The following DOP1A variants were observed in gnomAD, a reference collection of about 807,000 sequenced individuals.
DOP1A encodes protein DOP1A.
DOP1A carries 90 observed loss-of-function variants against 267.6 expected under a neutral mutation model. That is an observed-to-expected ratio of 0.34 (90% CI 0.28 to 0.40). DOP1A has a LOEUF of 0.40. Ranked by LOEUF, DOP1A falls within the 10% of genes least tolerant of loss-of-function variation. DOP1A has a pLI of 1.00. For missense variants in DOP1A, 2,437 were observed against 2,900.4 expected, an observed-to-expected ratio of 0.84 and a Z score of 3.67; for synonymous variants, 932 against 999.1, an observed-to-expected ratio of 0.93 and a Z score of 1.27.
chr6:83,157,992 AT>A (rs764449909), intron 35 of DOP1A, among the ~76,000 whole-genome samples: 9 of 150,644 alleles, frequency 6.0e-5, no homozygotes, highest in Non-Finnish European at 1.0e-4. Context: ...TCTTTCTTTT[AT>A]TTTTCCTTTT....
chr6:83,134,047 T>C (rs1439596156), intron 18 of DOP1A, 140 bp from the exon 19 acceptor site: 2 of 537,062 alleles, frequency 3.7e-6, no homozygotes, highest in East Asian at 6.3e-5. Flanking sequence ...AGAATATAAA[T>C]AAAGTTTATT....
rs769107348 is a variant in DOP1A at position 83,124,694 on chromosome 6, T to C, written c.1341-11T>C. 21 of 1,599,308 alleles carry C rather than the reference T, an allele frequency of 1.3e-5. No individual in the cohort carries two copies. In the South Asian group the frequency reaches 2.2e-4, roughly 17 times the overall value. On this transcript the variant is annotated splice_polypyrimidine_tract_variant and intron_variant, in intron 12 of 38. Coordinates refer to ENST00000349129, the MANE Select transcript of DOP1A (RefSeq NM_015018.4). ...ACAGTATACTTAATAAAGTGAATTT[T>C]GTCCTTTTAGGAGGACACTGCATGT...
At chr6:83,087,366 C>T (rs1319551485) in intron 1 of DOP1A, among the ~76,000 whole-genome samples, 4 of 152,040 alleles carry the variant, frequency 2.6e-5, no homozygotes, top group Non-Finnish European at 5.9e-5. Context: ...TTAAGTCAAC[C>T]TGATTGTATG....
chr6:83,071,229 T>G (rs76067039), intron 1 of DOP1A, among the ~76,000 whole-genome samples: 1 of 152,028 alleles, frequency 6.6e-6, no homozygotes, highest in Admixed American at 6.6e-5. Flanking sequence ...TTTTTTTTTT[T>G]GAAATGGAGT....
rs377220927 is a variant in DOP1A, at chr6:83,151,564, C to G, written c.5838-29C>G. On this transcript the variant is annotated intron_variant, in intron 27 of 38. Coordinates refer to ENST00000349129, the MANE Select transcript of DOP1A (RefSeq NM_015018.4). ...TAGTTTCTTTTAGCCTGATATTTCCCGTTTCTGTTTTCTCTTTGGCCCTTT... is the reference window on the plus strand; with the variant it reads ...TAGTTTCTTTTAGCCTGATATTTCCGGTTTCTGTTTTCTCTTTGGCCCTTT... 4.7e-5 allele frequency: 73 copies of G among 1,560,688 alleles called. 1 individual carries two copies. In the African/African-American group the frequency reaches 7.3e-4, roughly 16 times the overall value.
At chr6:83,153,376 A>G (rs1782111936) in intron 30 of DOP1A, 135 bp from the exon 31 acceptor site, 4 of 517,576 alleles carry the variant, frequency 7.7e-6, no homozygotes, top group Non-Finnish European at 1.3e-5. Flanking sequence ...TAACATAAAA[A>G]TGATTCAGGA....
At chr6:83,141,548 T>C (rs971110448) in intron 23 of DOP1A, among the ~76,000 whole-genome samples, 2 of 152,188 alleles carry the variant, frequency 1.3e-5, no homozygotes, top group African/African-American at 4.8e-5. Context: ...TAAACTATAC[T>C]TTTTATGTTT....
Position 83,138,168 on chromosome 6 carries a change from T to C in DOP1A, c.4126T>C (p.Tyr1376His), listed in dbSNP as rs759861128. 6.8e-6 allele frequency: 11 copies of C among 1,613,858 alleles called. No individual in the cohort carries two copies. The highest frequency in any genetic ancestry group is 8.5e-6 in the Non-Finnish European group (10 of 1,179,924). The change falls in exon 21 of 39, where the codon TAT (tyrosine) becomes CAT (histidine). Residue 1376 changes from tyrosine (Y) to histidine (H), a missense_variant. Around this residue, in one of 9 missense-constraint regions of DOP1A, gnomAD observed 878 missense variants for 992.9 expected, o/e 0.88. Transcript: ENST00000349129. The part of the protein sequence containing the change: ...YQHVLLYLQL[Y>H]DSSRTLYAFS... ...ACATGTGCTCCTGTATCTCCAGTTG[T>C]ATGATTCATCCAGGACTTTGTATGC...
At chr6:83,168,991 C>T (rs1786478935), downstream of DOP1A, 1 of 1,291,628 alleles carries the variant, frequency 7.7e-7, no homozygotes, top group South Asian at 2.0e-5. Context: ...GAATTGTATA[C>T]TTAAGTCCCA....
chr6:83,134,133 CATA>C, intron 18 of DOP1A, 51 bp from the exon 19 acceptor site: 1 of 1,474,660 alleles, frequency 6.8e-7, no homozygotes, highest in Non-Finnish European at 9.3e-7. Flanking sequence ...TTACTAAAAT[CATA>C]GTATCTTCAA....
intron 11 of DOP1A, 25 bp from the exon 12 acceptor site, chr6:83,122,838 T>G: frequency 1.4e-6 from 2 of 1,418,638 alleles, no homozygotes; most frequent in Non-Finnish European, 1.9e-6. Context: ...TTTTTTAGTT[T>G]TTGTTTTCTT....
At chr6:83,103,655 T>TA (rs1773011069) in intron 4 of DOP1A, among the ~76,000 whole-genome samples, 1 of 152,180 alleles carries the variant, frequency 6.6e-6, no homozygotes, top group South Asian at 2.1e-4. Context: ...TTTTTGTCCT[T>TA]ATGTGCTTCA....
At chr6:83,167,294 A>G in intron 38 of DOP1A, 1 of 985,146 alleles carries the variant, frequency 1.0e-6, no homozygotes, top group Non-Finnish European at 1.2e-6. Context: ...AGCACAACCC[A>G]GAAGGAGACA....
At chr6:83,099,745 T>C (rs1562294279) in intron 3 of DOP1A, among the ~76,000 whole-genome samples, 1 of 151,376 alleles carries the variant, frequency 6.6e-6, no homozygotes, top group African/African-American at 2.4e-5. Context: ...CACGTATACA[T>C]ATATATACAC....
In DOP1A at chr6:83,130,318, G is replaced by A; in HGVS notation, c.2537G>A (p.Gly846Glu). 1 of 1,614,110 alleles carries A rather than the reference G, an allele frequency of 6.2e-7. No homozygotes were observed. Among genetic ancestry groups the A allele is most frequent in the Non-Finnish European group, 8.5e-7 (1 of 1,179,976 alleles). Reference protein sequence around the residue: ...EPAQPLSPNQGRVAVVIRPPL... With the variant: ...EPAQPLSPNQERVAVVIRPPL... ...GCACAACCCTTAAGTCCAAACCAGG[G>A]AAGAGTAGCTGTGGTTATTAGACCT... The change falls in exon 17 of 39, where the codon GGA becomes GAA. Residue 846 changes from glycine to glutamate, a missense_variant. Gly to Glu is a moderately conservative substitution (Grantham distance 98). Transcript: ENST00000349129.
intron 33 of DOP1A, 112 bp from the exon 34 acceptor site, chr6:83,155,839 C>T: frequency 3.0e-6 from 4 of 1,313,410 alleles, no homozygotes; most frequent in Non-Finnish European, 4.1e-6. Flanking sequence ...AGTTTTGTAC[C>T]CCAAGCTCCT....
chr6:83,129,134 T>C lies in DOP1A; in HGVS notation c.1967T>C (p.Val656Ala), dbSNP rs745689967. The change falls in exon 16 of 39, where the codon GTA (valine) becomes GCA (alanine). Residue 656 changes from valine (V) to alanine (A), a missense_variant. Physicochemically the swap from Val to Ala is moderately conservative, Grantham distance 64. This residue lies in a region of DOP1A where 498 missense variants were observed against 513.5 expected (regional missense o/e 0.97). Coordinates refer to ENST00000349129, the MANE Select transcript of DOP1A (RefSeq NM_015018.4). ...GAAACCATCATCCAGACCCCTTCCG[T>C]AGTCACTCAGGGGACAGCAACCCGA... Reference protein sequence around the residue: ...SEETIIQTPSVVTQGTATRSR... With the variant: ...SEETIIQTPSAVTQGTATRSR... 1 of 1,613,762 alleles carries C rather than the reference T, an allele frequency of 6.2e-7. No homozygotes were observed. The highest frequency in any genetic ancestry group is 8.5e-7 in the Non-Finnish European group (1 of 1,179,834).
chr6:83,168,127 T>C lies in DOP1A; in HGVS notation c.7358T>C (p.Met2453Thr), dbSNP rs775036691. 1.1e-5 allele frequency: 17 copies of C among 1,613,072 alleles called. No individual in the cohort carries two copies. In the Admixed American group the frequency reaches 1.3e-4, roughly 13 times the overall value. The change falls in exon 39 of 39, where the codon ATG becomes ACG. Residue 2453 changes from methionine (M) to threonine (T), a missense_variant. By Grantham distance (81) the Met-to-Thr change is moderately conservative. This residue lies in a region of DOP1A where 197 missense variants were observed against 246.5 expected (regional missense o/e 0.80). Transcript: ENST00000349129. ...AAAGCCAGGCAAAAAATAGAAGAGA[T>C]GGTAGAAAAAGATTTTCTGGAAGGG... is the stretch of plus-strand genomic sequence containing the variant. ...SSKARQKIEEMVEKDFLEGMI... is the reference protein window; with the variant it reads ...SSKARQKIEETVEKDFLEGMI...
At chr6:83,120,962 C>T (rs1377268209) in intron 10 of DOP1A, among the ~76,000 whole-genome samples, 171 bp downstream of exon 10, 1 of 151,874 alleles carries the variant, frequency 6.6e-6, no homozygotes, top group Admixed American at 6.6e-5. Context: ...TATTCATCCA[C>T]CTGATACGTT....
Sources: allele counts gnomAD v4.1 joint callset (sites outside exome capture counted in the v4.1 genomes callset), GRCh38; gene constraint gnomAD v4.1.1; regional missense constraint gnomAD v4.1.1; transcripts MANE v1.5; gene names NCBI Gene and HGNC (gene_info 2026-07-23, HGNC 2026-07-21).